TIAM2: variants seen among roughly 807,000 people sequenced by gnomAD.
The protein encoded by TIAM2 is TIAM Rac1 associated GEF 2, also known as rho guanine nucleotide exchange factor TIAM2.
Under a neutral mutation model 152.9 loss-of-function variants are expected in TIAM2, and 80 were observed. That is an observed-to-expected ratio of 0.52 (90% CI 0.44 to 0.63). The LOEUF is 0.63. Ranked by LOEUF, TIAM2 falls within the 30% of genes least tolerant of loss-of-function variation. The pLI is 0.00. For missense variants in TIAM2, 1,965 were observed against 2,120.1 expected, an observed-to-expected ratio of 0.93 and a Z score of 1.44; for synonymous variants, 804 against 838.0, an observed-to-expected ratio of 0.96 and a Z score of 0.70.
chr6:155,067,211 A>G (rs1286329751), intron 1 of TIAM2, among the ~76,000 whole-genome samples: 1 of 152,178 alleles, frequency 6.6e-6, no homozygotes, highest in African/African-American at 2.4e-5. Context: ...GGGATGGCAC[A>G]GAGCATATTA....
chr6:155,247,336 T>C (rs894331519), intron 19 of TIAM2, among the ~76,000 whole-genome samples: 7 of 148,520 alleles, frequency 4.7e-5, no homozygotes, highest in Non-Finnish European at 1.1e-4. Flanking sequence ...TTTTTTGATG[T>C]TGTTTTTTTT....
chr6:155,158,409 C>T (rs1056137318), intron 7 of TIAM2, among the ~76,000 whole-genome samples: 24 of 152,080 alleles, frequency 1.6e-4, no homozygotes, highest in Non-Finnish European at 1.3e-4. Context: ...GAGTGTTCCC[C>T]TGTAATTTTG....
At chr6:155,012,802 C>T (rs188530441) in intron 1 of TIAM2, among the ~76,000 whole-genome samples, 171 of 152,288 alleles carry the variant, frequency 1.1e-3, no homozygotes, top group African/African-American at 3.9e-3. Flanking sequence ...CCGCCCTACT[C>T]GGGCTCCCAA....
At chr6:155,075,601 T>C (rs1777938812) in intron 1 of TIAM2, among the ~76,000 whole-genome samples, 1 of 152,232 alleles carries the variant, frequency 6.6e-6, no homozygotes, top group African/African-American at 2.4e-5. Context: ...AGAAGTGTTT[T>C]GGATTTTGAA....
At chr6:155,139,211 C>T (rs751880884) in intron 5 of TIAM2, among the ~76,000 whole-genome samples, 1 of 152,208 alleles carries the variant, frequency 6.6e-6, no homozygotes, top group Non-Finnish European at 1.5e-5. Context: ...TGCCCCTTAT[C>T]GAACAGTTGG....
At chr6:155,056,700 C>T (rs1777460115) in intron 1 of TIAM2, among the ~76,000 whole-genome samples, 1 of 152,076 alleles carries the variant, frequency 6.6e-6, no homozygotes, top group Admixed American at 6.6e-5. Flanking sequence ...TAAAGAGTTT[C>T]TGTATGATCC....
At chr6:155,038,117 GA>G (rs1776956315) in intron 1 of TIAM2, among the ~76,000 whole-genome samples, 1 of 152,158 alleles carries the variant, frequency 6.6e-6, no homozygotes, top group Non-Finnish European at 1.5e-5. Context: ...TCATGGTGTG[GA>G]ACTTGATGAA....
chr6:155,135,927 G>T (rs1008376798), intron 4 of TIAM2, among the ~76,000 whole-genome samples: 1 of 152,096 alleles, frequency 6.6e-6, no homozygotes, highest in African/African-American at 2.4e-5. Flanking sequence ...GGGCGCGGTG[G>T]CTCATGCCTG....
chr6:155,081,050 A>G (rs1286596724), intron 1 of TIAM2, among the ~76,000 whole-genome samples: 1 of 152,198 alleles, frequency 6.6e-6, no homozygotes, highest in Non-Finnish European at 1.5e-5. Flanking sequence ...GTCAGGAAAT[A>G]TTTCTTTGTT....
intron 1 of TIAM2, among the ~76,000 whole-genome samples, chr6:155,021,606 C>G (rs1011887389): frequency 6.6e-6 from 1 of 152,126 alleles, no homozygotes; most frequent in African/African-American, 2.4e-5. Context: ...TGTTGTTTTT[C>G]ACAGCCCCTG....
chr6:155,165,461 C>G (rs774947051), intron 9 of TIAM2, 52 bp downstream of exon 9: 1 of 1,566,190 alleles, frequency 6.4e-7, no homozygotes, highest in East Asian at 2.3e-5. Flanking sequence ...CCTGAAACCC[C>G]TAATTTTCGG....
At chr6:155,166,874 C>T (rs942533877) in intron 9 of TIAM2, among the ~76,000 whole-genome samples, 1 of 152,138 alleles carries the variant, frequency 6.6e-6, no homozygotes, top group East Asian at 1.9e-4. Flanking sequence ...AAATTGTTTG[C>T]AATTAAATCT....
intron 2 of TIAM2, among the ~76,000 whole-genome samples, chr6:155,096,395 T>C (rs566739643): frequency 2.4e-4 from 37 of 152,314 alleles, no homozygotes; most frequent in African/African-American, 7.0e-4. Context: ...TTGGAACTTA[T>C]AATACATTAT....
chr6:155,226,808 C>G (rs1419639727), intron 15 of TIAM2, among the ~76,000 whole-genome samples: 1 of 152,210 alleles, frequency 6.6e-6, no homozygotes, highest in African/African-American at 2.4e-5. Context: ...AGTCAGAGCC[C>G]GTGCCCCTGT....
chr6:155,196,297 G>A (rs1305554652), intron 14 of TIAM2, among the ~76,000 whole-genome samples: 1 of 152,138 alleles, frequency 6.6e-6, no homozygotes, highest in Non-Finnish European at 1.5e-5. Context: ...CAGCTTTGGG[G>A]AACGATGAGG....
chr6:155,165,580 A>G (rs1257978347), intron 9 of TIAM2, among the ~76,000 whole-genome samples, 171 bp downstream of exon 9: 1 of 152,146 alleles, frequency 6.6e-6, no homozygotes, highest in Non-Finnish European at 1.5e-5. Context: ...CAGGAGGGCC[A>G]CCTGAGCCCA....
intron 1 of TIAM2, among the ~76,000 whole-genome samples, chr6:155,051,367 GC>G (rs1777314255): frequency 1.3e-5 from 2 of 152,194 alleles, no homozygotes; most frequent in Non-Finnish European, 2.9e-5. Context: ...CATCATACGT[GC>G]TGGGTGCAGT....
At chr6:155,025,201 T>TG (rs1385264785) in intron 1 of TIAM2, among the ~76,000 whole-genome samples, 1 of 149,696 alleles carries the variant, frequency 6.7e-6, no homozygotes, top group African/African-American at 2.5e-5. Flanking sequence ...TGTATTTTTT[T>TG]TTTTTTTTTT....
intron 2 of TIAM2, among the ~76,000 whole-genome samples, chr6:155,103,601 G>A (rs1294724665): frequency 1.3e-5 from 2 of 151,778 alleles, no homozygotes; most frequent in South Asian, 2.1e-4. Context: ...GTGCATGCCT[G>A]TGATCCCAGC....
Sources: gnomAD v4.1 joint callset for allele counts (sites outside exome capture counted in the v4.1 genomes callset) on GRCh38, gnomAD v4.1.1 for gene constraint, MANE v1.5 for transcripts, NCBI Gene and HGNC (gene_info 2026-07-23, HGNC 2026-07-21) for gene names.